Variants in ITPR2 observed in about 807,000 individuals in gnomAD.
ITPR2 encodes inositol 1,4,5-trisphosphate receptor type 2, also known as inositol 1,4,5-trisphosphate-gated calcium channel ITPR2.
ITPR2 carries 207 observed loss-of-function variants against 317.1 expected under a neutral mutation model. The observed-to-expected ratio is 0.65, with a 90% CI of 0.58 to 0.73. ITPR2 has a LOEUF of 0.73. Among genes scored for constraint, ITPR2 ranks in the 30% least tolerant of loss-of-function variants. The pLI is 0.00. For missense variants in ITPR2, 2,613 were observed against 3,284.0 expected, an observed-to-expected ratio of 0.80 and a Z score of 4.99; for synonymous variants, 1,156 against 1,149.1, an observed-to-expected ratio of 1.01 and a Z score of -0.12.
intron 47 of ITPR2, among the ~76,000 whole-genome samples, chr12:26,438,274 C>T (rs1470137383): frequency 6.6e-6 from 1 of 151,624 alleles, no homozygotes; most frequent in East Asian, 1.9e-4. Context: ...GCATACCACA[C>T]CCCTATATCT....
intron 39 of ITPR2, among the ~76,000 whole-genome samples, chr12:26,490,299 T>C (rs1942768802): frequency 6.6e-6 from 1 of 152,194 alleles, no homozygotes; most frequent in Non-Finnish European, 1.5e-5. Flanking sequence ...GATAAGGGAA[T>C]GGACACCAAA....
chr12:26,726,046 T>A (rs958578870), intron 2 of ITPR2: 3 of 257,642 alleles, frequency 1.2e-5, no homozygotes, highest in Non-Finnish European at 2.2e-5. Flanking sequence ...TGTGGTATTA[T>A]AAGGCATGGA....
chr12:26,367,029 T>C (rs1438528875), intron 55 of ITPR2, among the ~76,000 whole-genome samples: 1 of 152,118 alleles, frequency 6.6e-6, no homozygotes, highest in Admixed American at 6.6e-5. Flanking sequence ...ATCTATGTAA[T>C]ACCTGAATAT....
chr12:26,784,358 T>C (rs1234491225), intron 2 of ITPR2, among the ~76,000 whole-genome samples: 1 of 29,666 alleles, frequency 3.4e-5, no homozygotes, highest in African/African-American at 7.8e-5. Context: ...TCCCTCTCCC[T>C]CTCCCTCCAC....
chr12:26,652,966 T>C (rs1947289221), intron 21 of ITPR2, among the ~76,000 whole-genome samples: 1 of 152,244 alleles, frequency 6.6e-6, no homozygotes, highest in African/African-American at 2.4e-5. Flanking sequence ...ACAGGCACTG[T>C]TGAAAGTCCA....
chr12:26,423,938 A>C (rs1940969494), intron 49 of ITPR2, among the ~76,000 whole-genome samples: 1 of 152,230 alleles, frequency 6.6e-6, no homozygotes, highest in African/African-American at 2.4e-5. Context: ...GAAGCACCAT[A>C]GTAAACAGAA....
Position 26,340,350 on chromosome 12 carries a change from C to T in ITPR2, c.7858-22G>A, listed in dbSNP as rs150397176. The T allele has an allele frequency of 3.8e-4, 596 of 1,571,912 alleles. 2 individuals carry two copies. The African/African-American group carries it at 6.6e-3, about 17-fold the overall frequency. On this transcript the variant is annotated intron_variant, in intron 55 of 56. Coordinates refer to ENST00000381340, the MANE Select transcript of ITPR2 (RefSeq NM_002223.4). ...TCTCCTGAAAGCAAATAAATGTGTGCGAACAAGGGAATAAGTATGGAAGGG... is the reference window on the plus strand; with the variant it reads ...TCTCCTGAAAGCAAATAAATGTGTGTGAACAAGGGAATAAGTATGGAAGGG...
At chr12:26,592,935 T>C (rs1048719671) in intron 32 of ITPR2, among the ~76,000 whole-genome samples, 1 of 152,240 alleles carries the variant, frequency 6.6e-6, no homozygotes, top group Admixed American at 6.5e-5. Flanking sequence ...CTGATGCTAA[T>C]ATGTGCTAAG....
chr12:26,681,648 T>A (rs902004471), intron 13 of ITPR2, among the ~76,000 whole-genome samples: 1 of 152,180 alleles, frequency 6.6e-6, no homozygotes, highest in Non-Finnish European at 1.5e-5. Context: ...AAACAACTAT[T>A]TTCAAGCAAA....
chr12:26,627,960 T>C (rs1946658276), intron 23 of ITPR2, 73 bp downstream of exon 23: 1 of 1,313,546 alleles, frequency 7.6e-7, no homozygotes, highest in Non-Finnish European at 1.0e-6. Flanking sequence ...AATTATGTTT[T>C]AAAATATGAT....
At chr12:26,340,374 G>A in intron 55 of ITPR2, 46 bp from the exon 56 acceptor site, 1 of 1,529,496 alleles carries the variant, frequency 6.5e-7, no homozygotes, top group Non-Finnish European at 8.8e-7. Context: ...AGTATGGAAG[G>A]GGAGAATGTC....
chr12:26,483,753 T>C lies in ITPR2; in HGVS notation c.5957A>G (p.Asn1986Ser), dbSNP rs769592810. The C allele has an allele frequency of 2.5e-6, 4 of 1,614,098 alleles. No homozygotes were observed. Among genetic ancestry groups the C allele is most frequent in the Non-Finnish European group, 2.5e-6 (3 of 1,180,046 alleles). Residue 1986 changes from asparagine (N) to serine (S), a missense_variant, in exon 42 of 57, where the codon AAC becomes AGC. This residue lies in a region of ITPR2 where 926 missense variants were observed against 1,072.8 expected (regional missense o/e 0.86). Coordinates refer to ENST00000381340, the MANE Select transcript of ITPR2 (RefSeq NM_002223.4). Reference protein sequence around the residue: ...YINEKNVALVNQNLESLTEYC... With the variant: ...YINEKNVALVSQNLESLTEYC... The stretch of plus-strand genomic sequence containing the variant: ...CTCAGTCAAGCTCTCCAGGTTCTGG[T>C]TGACCAGCGCTACATTCTTCTCATT...
At chr12:26,404,423 A>G (rs545829631) in intron 52 of ITPR2, among the ~76,000 whole-genome samples, 2 of 152,346 alleles carry the variant, frequency 1.3e-5, no homozygotes, top group South Asian at 4.1e-4. Flanking sequence ...AGAGGACAAG[A>G]GAGTTCAGAG....
chr12:26,662,398 T>C (rs1947522846), intron 15 of ITPR2, among the ~76,000 whole-genome samples: 1 of 152,188 alleles, frequency 6.6e-6, no homozygotes, highest in Non-Finnish European at 1.5e-5. Context: ...TGGTACAAAG[T>C]AAGCACACAA....
rs575097388 is a variant in ITPR2, at chr12:26,729,962, A to T, written c.164-4197T>A. Among the ~76,000 whole-genome samples the T allele has an allele frequency of 8.5e-5, 13 of 152,236 alleles. No individual in the cohort carries two copies. In the South Asian group the frequency reaches 2.5e-3, roughly 29 times the overall value. ...CTTGTAACCCTGAAGTTAAAATAAA[A>T]GTTTTTTAAAAAGGGGAGAGAGAGA... On this transcript the variant is annotated intron_variant, in intron 2 of 56. Coordinates refer to ENST00000381340, the MANE Select transcript of ITPR2 (RefSeq NM_002223.4).
At chr12:26,616,330 G>T (rs931432597) in intron 26 of ITPR2, among the ~76,000 whole-genome samples, 1 of 151,752 alleles carries the variant, frequency 6.6e-6, no homozygotes, top group Non-Finnish European at 1.5e-5. Context: ...GTAGAGATGG[G>T]GTTTCACTGT....
chr12:26,421,160 T>C (rs1249937751), intron 49 of ITPR2: 1 of 152,170 alleles, frequency 6.6e-6, no homozygotes, highest in Non-Finnish European at 1.5e-5. Context: ...AAAAGAATAA[T>C]ACATTTAATT....
At chr12:26,561,620 G>C in intron 35 of ITPR2, 142 bp downstream of exon 35, 1 of 589,568 alleles carries the variant, frequency 1.7e-6, no homozygotes. Context: ...TTTAAAAAGA[G>C]CAGTGGTAGT....
At chr12:26,643,181 C>A (rs972414366) in intron 21 of ITPR2, among the ~76,000 whole-genome samples, 1 of 152,176 alleles carries the variant, frequency 6.6e-6, no homozygotes, top group Non-Finnish European at 1.5e-5. Context: ...AATCTGCAGG[C>A]ACCATAATCC....
Sources: gnomAD v4.1 joint callset for allele counts (sites outside exome capture counted in the v4.1 genomes callset) on GRCh38, gnomAD v4.1.1 for gene constraint, gnomAD v4.1.1 regional missense constraint, MANE v1.5 for transcripts, NCBI Gene and HGNC (gene_info 2026-07-23, HGNC 2026-07-21) for gene names.